Variants in TMEM161B observed in about 807,000 individuals in gnomAD.
TMEM161B encodes transmembrane protein 161B.
In TMEM161B, 34 loss-of-function variants were observed where a neutral mutation model predicts 61.8. The ratio of observed to expected loss-of-function variants is 0.55; its 90% CI spans 0.42 to 0.73. The LOEUF is 0.73. Ranked by LOEUF, TMEM161B falls within the 30% of genes least tolerant of loss-of-function variation. TMEM161B has a pLI of 0.00. For missense variants in TMEM161B, 456 were observed against 558.5 expected (o/e 0.82, Z 1.85); for synonymous variants, 167 against 192.8 (o/e 0.87, Z 1.11).
chr5:88,268,460 T>C (rs1215066253), intron 1 of TMEM161B, among the ~76,000 whole-genome samples: 1 of 152,140 alleles, frequency 6.6e-6, no homozygotes, highest in African/African-American at 2.4e-5. Flanking sequence ...AAATGGGCCA[T>C]GAACAGGCAG....
intron 1 of TMEM161B, among the ~76,000 whole-genome samples, chr5:88,249,152 G>A (rs1427909901): frequency 6.6e-6 from 1 of 152,108 alleles, no homozygotes. Context: ...TCAAAGCCCT[G>A]TATGCCCTCC....
Position 88,207,021 on chromosome 5 carries a change from A to G in TMEM161B, c.598+8T>C, listed in dbSNP as rs746516387. 8 of 1,610,632 alleles carry G rather than the reference A, an allele frequency of 5.0e-6. No homozygotes were observed. Among genetic ancestry groups the G allele is most frequent in the South Asian group, 2.2e-5 (2 of 90,736 alleles). On this transcript the variant is annotated splice_region_variant and intron_variant, in intron 6 of 11. Coordinates refer to ENST00000296595, the MANE Select transcript of TMEM161B (RefSeq NM_153354.5). ...AAATTGATTTTTAAAGTTGTATGAA[A>G]CTATTACCTGTTTCAAGTCCAAATT...
intron 1 of TMEM161B, among the ~76,000 whole-genome samples, chr5:88,253,127 T>C (rs1754550867): frequency 6.6e-6 from 1 of 152,146 alleles, no homozygotes; most frequent in African/African-American, 2.4e-5. Flanking sequence ...TAGCTATTTT[T>C]ATTGATACAC....
intron 1 of TMEM161B, among the ~76,000 whole-genome samples, chr5:88,249,015 T>A (rs532081878): frequency 1.3e-4 from 20 of 152,144 alleles, no homozygotes. Context: ...AAAGTGGTTT[T>A]ACAAATGGCA....
At chr5:88,235,018 G>T (rs1031973326) in intron 2 of TMEM161B, among the ~76,000 whole-genome samples, 5 of 152,088 alleles carry the variant, frequency 3.3e-5, no homozygotes, top group African/African-American at 1.2e-4. Flanking sequence ...CAGTGACTCT[G>T]ATAATAAAGC....
At chr5:88,239,075 C>A (rs181004809) in intron 2 of TMEM161B, among the ~76,000 whole-genome samples, 1 of 152,052 alleles carries the variant, frequency 6.6e-6, no homozygotes, top group East Asian at 1.9e-4. Flanking sequence ...AGCTTACTCT[C>A]AAATTATCTA....
chr5:88,186,081 T>C (rs777898549), downstream of TMEM161B, among the ~76,000 whole-genome samples: 1 of 152,204 alleles, frequency 6.6e-6, no homozygotes, highest in Non-Finnish European at 1.5e-5. Context: ...AAACTATTAA[T>C]AGTATCAAGT....
intron 1 of TMEM161B, among the ~76,000 whole-genome samples, chr5:88,264,982 A>G (rs1031438578): frequency 1.3e-5 from 2 of 152,174 alleles, no homozygotes; most frequent in Non-Finnish European, 2.9e-5. Context: ...TACCTAATAC[A>G]TACAGAGTTT....
chr5:88,262,863 C>G lies in TMEM161B; in HGVS notation c.3+5858G>C, dbSNP rs565788818. On this transcript the variant is annotated intron_variant, in intron 1 of 11. Coordinates refer to ENST00000296595, the MANE Select transcript of TMEM161B (RefSeq NM_153354.5). ...GGAATATCTAGGAAATCTCTTGTAT[C>G]TTCCTCTTAAGATTTCTGTGAACCT... Among the ~76,000 whole-genome samples, 6 of 152,202 alleles carry G rather than the reference C, an allele frequency of 3.9e-5. No individual in the cohort carries two copies. The South Asian group carries it at 1.2e-3, about 32-fold the overall frequency.
intron 4 of TMEM161B, among the ~76,000 whole-genome samples, chr5:88,223,135 T>A (rs2112541491): frequency 6.6e-6 from 1 of 151,646 alleles, no homozygotes; most frequent in African/African-American, 2.4e-5. Context: ...AAATTCATTT[T>A]TTTTTTTTAG....
At chr5:88,187,428 T>G (rs1200495370), downstream of TMEM161B, among the ~76,000 whole-genome samples, 3 of 151,984 alleles carry the variant, frequency 2.0e-5, no homozygotes, top group Non-Finnish European at 4.4e-5. Context: ...TATATAACAT[T>G]TATACAACAT....
In TMEM161B at chr5:88,226,333, G is replaced by C. The variant is rs540729537; in HGVS notation, c.192-467C>G. Among the ~76,000 whole-genome samples, 375 of 152,252 alleles carry C rather than the reference G, an allele frequency of 2.5e-3. 1 individual carries two copies. The highest frequency in any genetic ancestry group is 4.4e-3 in the Non-Finnish European group (298 of 68,008). On this transcript the variant is annotated intron_variant, in intron 3 of 11. Transcript: ENST00000296595. Reference sequence around the variant, plus strand: ...GTATGAGAAATTCAGAAACATGAAAGACTAACTTGGAATAGTTTTTACTAA... The same window carrying C: ...GTATGAGAAATTCAGAAACATGAAACACTAACTTGGAATAGTTTTTACTAA...
chr5:88,199,194 A>G (rs1750250924), intron 9 of TMEM161B, 44 bp from the exon 10 acceptor site: 1 of 1,541,014 alleles, frequency 6.5e-7, no homozygotes, highest in Non-Finnish European at 8.8e-7. Flanking sequence ...AGACAACAAT[A>G]TGCTAGCATG....
At position 88,225,837 on chromosome 5, in the gene TMEM161B, G is replaced by A. The variant is rs1749966492; in HGVS notation, c.221C>T (p.Pro74Leu). Residue 74 changes from proline to leucine, a missense_variant, in exon 4 of 12, where the codon CCA becomes CTA. Physicochemically the swap from Pro to Leu is moderately conservative, Grantham distance 98. This residue lies in a region of TMEM161B where 85 missense variants were observed against 111.2 expected (regional missense o/e 0.76). Coordinates refer to ENST00000296595, the MANE Select transcript of TMEM161B (RefSeq NM_153354.5). ...RKYNGHIESK[P>L]LTIPKDIDLH... ...GTCAATATCCTTTGGAATGGTTAAT[G>A]GCTTACTTTCAATGTGACCATTATA... 1 of 1,610,192 alleles carries A rather than the reference G, an allele frequency of 6.2e-7. No homozygotes were observed. Among genetic ancestry groups the A allele is most frequent in the Non-Finnish European group, 8.5e-7 (1 of 1,178,108 alleles).
At chr5:88,199,304 T>A in intron 9 of TMEM161B, 154 bp from the exon 10 acceptor site, 1 of 600,848 alleles carries the variant, frequency 1.7e-6, no homozygotes, top group Non-Finnish European at 2.7e-6. Flanking sequence ...GACTTAACTG[T>A]ATAATACTTT....
At chr5:88,259,807 T>C (rs1306790734) in intron 1 of TMEM161B, among the ~76,000 whole-genome samples, 1 of 152,214 alleles carries the variant, frequency 6.6e-6, no homozygotes, top group Non-Finnish European at 1.5e-5. Flanking sequence ...AAAATATCGT[T>C]ACTAATTATG....
chr5:88,228,380 C>A, intron 3 of TMEM161B, 65 bp downstream of exon 3: 3 of 1,192,520 alleles, frequency 2.5e-6, no homozygotes, highest in South Asian at 2.8e-5. Context: ...TTAATCAAAG[C>A]ATAAAAATGT....
chr5:88,229,826 T>C (rs1750688421), intron 2 of TMEM161B, among the ~76,000 whole-genome samples: 1 of 151,520 alleles, frequency 6.6e-6, no homozygotes, highest in African/African-American at 2.4e-5. Context: ...CTTCAAAGGA[T>C]CCTCCCTCCT....
intron 5 of TMEM161B, among the ~76,000 whole-genome samples, chr5:88,209,469 C>T (rs1351393035): frequency 1.3e-5 from 2 of 152,134 alleles, no homozygotes; most frequent in African/African-American, 2.4e-5. Context: ...CACCTACCAC[C>T]ACACTTTGTT....
Sources: allele counts gnomAD v4.1 joint callset (sites outside exome capture counted in the v4.1 genomes callset), GRCh38; gene constraint gnomAD v4.1.1; regional missense constraint gnomAD v4.1.1; transcripts MANE v1.5; gene names NCBI Gene and HGNC (gene_info 2026-07-23, HGNC 2026-07-21).